RANBP2: variants seen among roughly 807,000 people sequenced by gnomAD.
RANBP2 encodes E3 SUMO-protein ligase RanBP2.
Under a neutral mutation model 303.6 loss-of-function variants are expected in RANBP2, and 57 were observed. That is an observed-to-expected ratio of 0.19 (90% CI 0.15 to 0.23). The LOEUF is 0.23. RANBP2 is among the 10% of genes least tolerant of loss of function. The pLI is 1.00. For missense variants in RANBP2, 3,138 were observed against 3,780.8 expected (o/e 0.83, Z 4.46); for synonymous variants, 1,167 against 1,301.5 (o/e 0.90, Z 2.23).
At chr2:108,900,632 A>T in the RANBP2 span, among the ~76,000 whole-genome samples, 1 of 152,128 alleles carries the variant, frequency 6.6e-6, no homozygotes, top group African/African-American at 2.4e-5. Context: ...GGTAGAGTAG[A>T]CTTAAAAATT....
the RANBP2 span, among the ~76,000 whole-genome samples, chr2:108,944,734 C>A: frequency 6.6e-6 from 1 of 152,176 alleles, no homozygotes; most frequent in South Asian, 2.1e-4. Flanking sequence ...CCCCACCGTG[C>A]AGAGGAGGGA....
chr2:108,720,484 A>G (rs148333593), intron 1 of RANBP2, among the ~76,000 whole-genome samples: 1,958 of 152,332 alleles, frequency 0.013, 51 homozygotes, highest in African/African-American at 0.045. Context: ...TTTGGATTCA[A>G]TAAGACTTTA....
At position 108,783,771 on chromosome 2, in the gene RANBP2, T is replaced by G. The variant is rs973985890; in HGVS notation, c.9545T>G (p.Leu3182Trp). The G allele has an allele frequency of 6.2e-7, 1 of 1,613,006 alleles. No individual in the cohort carries two copies. The highest frequency in any genetic ancestry group is 8.5e-7 in the Non-Finnish European group (1 of 1,179,010). The part of the protein sequence containing the change: ...FVITLKKAEH[L>W]DFKHVVFGFV... The stretch of plus-strand genomic sequence containing the variant: ...ATAACACTGAAGAAAGCAGAACATT[T>G]GGACTTTAAGCATGTAGTATTTGGG... The change falls in exon 29 of 29, where the codon TTG (leucine) becomes TGG (tryptophan). Residue 3182 changes from leucine (L) to tryptophan (W), a missense_variant. By Grantham distance (61) the Leu-to-Trp change is moderately conservative. Around this residue, in one of 20 missense-constraint regions of RANBP2, gnomAD observed 204 missense variants for 228.4 expected, o/e 0.89. Transcript: ENST00000283195.
chr2:109,545,300 A>C, the RANBP2 span: 3 of 1,440,534 alleles, frequency 2.1e-6, no homozygotes, highest in Non-Finnish European at 2.7e-6. Context: ...AAATAAAACA[A>C]GGGACACAAA....
the RANBP2 span, among the ~76,000 whole-genome samples, chr2:109,466,072 C>CTTTTTTTTTTTTT: frequency 1.2e-5 from 1 of 82,336 alleles, no homozygotes; most frequent in Non-Finnish European, 2.2e-5. Flanking sequence ...ACCTGTACAT[C>CTTTTTTTTTTTTT]TTTTTTTTTT....
At chr2:109,348,165 T>C in the RANBP2 span, among the ~76,000 whole-genome samples, 7 of 152,224 alleles carry the variant, frequency 4.6e-5, no homozygotes, top group African/African-American at 1.7e-4. Flanking sequence ...GGGCACCAGC[T>C]TGACACACAG....
At chr2:109,276,354 G>A in the RANBP2 span, among the ~76,000 whole-genome samples, 1 of 152,242 alleles carries the variant, frequency 6.6e-6, no homozygotes. Flanking sequence ...TGGCAAATAT[G>A]TGTCCCGTAG....
the RANBP2 span, among the ~76,000 whole-genome samples, chr2:109,536,166 G>C: frequency 6.6e-6 from 1 of 152,026 alleles, no homozygotes; most frequent in Non-Finnish European, 1.5e-5. Flanking sequence ...TGTGAGAAAA[G>C]GACCACCATC....
the RANBP2 span, among the ~76,000 whole-genome samples, chr2:109,122,918 A>G: frequency 1.3e-5 from 2 of 152,136 alleles, no homozygotes; most frequent in African/African-American, 2.4e-5. Context: ...ACCAAACAAT[A>G]AACAAGATAA....
At chr2:109,165,708 G>T in the RANBP2 span, among the ~76,000 whole-genome samples, 2 of 152,154 alleles carry the variant, frequency 1.3e-5, no homozygotes, top group Admixed American at 1.3e-4. Context: ...TGGTATGGAC[G>T]AGTGGGGAGG....
the RANBP2 span, among the ~76,000 whole-genome samples, chr2:109,373,793 A>G: frequency 5.3e-5 from 8 of 152,166 alleles, no homozygotes; most frequent in Non-Finnish European, 1.2e-4. Flanking sequence ...CTAAGAGCAA[A>G]TCTTAAAGGA....
At chr2:109,048,031 A>G in the RANBP2 span, among the ~76,000 whole-genome samples, 1 of 152,172 alleles carries the variant, frequency 6.6e-6, no homozygotes, top group Non-Finnish European at 1.5e-5. Flanking sequence ...GTTACTTCTG[A>G]GGACACGCAT....
At chr2:109,063,299 C>A in the RANBP2 span, among the ~76,000 whole-genome samples, 4 of 152,178 alleles carry the variant, frequency 2.6e-5, no homozygotes, top group Non-Finnish European at 4.4e-5. Flanking sequence ...ACGGTGGAAC[C>A]TTTGAGCATT....
the RANBP2 span, among the ~76,000 whole-genome samples, chr2:109,418,863 G>A: frequency 1.3e-5 from 2 of 152,148 alleles, no homozygotes; most frequent in Admixed American, 1.3e-4. Context: ...GCCCTGCATG[G>A]GCTGGGACTA....
the RANBP2 span, chr2:108,812,576 G>C: frequency 2.6e-5 from 35 of 1,321,682 alleles, no homozygotes; most frequent in Non-Finnish European, 3.7e-5. Context: ...GAAACCCTTA[G>C]TATGAAACCA....
the RANBP2 span, among the ~76,000 whole-genome samples, chr2:108,880,088 TAAA>T: frequency 1.3e-4 from 19 of 151,514 alleles, no homozygotes; most frequent in African/African-American, 4.6e-4. Context: ...GAAAACATTT[TAAA>T]AAACAGAAAT....
the RANBP2 span, among the ~76,000 whole-genome samples, chr2:109,687,838 G>C: frequency 3.3e-4 from 50 of 151,732 alleles, no homozygotes; most frequent in African/African-American, 1.1e-3. Context: ...AGACCTCCCG[G>C]ACTCAGGTGA....
At chr2:108,845,687 T>A in the RANBP2 span, among the ~76,000 whole-genome samples, 1 of 151,552 alleles carries the variant, frequency 6.6e-6, no homozygotes, top group African/African-American at 2.4e-5. Context: ...TTCTCCTGTC[T>A]CAGCCTCCCA....
the RANBP2 span, among the ~76,000 whole-genome samples, chr2:109,412,683 A>G: frequency 9.9e-5 from 15 of 152,254 alleles, no homozygotes. Flanking sequence ...CCAGACCTCA[A>G]GTGTTAACTC....
Sources: allele counts gnomAD v4.1 joint callset (sites outside exome capture counted in the v4.1 genomes callset), GRCh38; gene constraint gnomAD v4.1.1; regional missense constraint gnomAD v4.1.1; transcripts MANE v1.5; gene names NCBI Gene and HGNC (gene_info 2026-07-23, HGNC 2026-07-21).